GRAMD1B: variants seen among roughly 807,000 people sequenced by gnomAD.
The protein encoded by GRAMD1B is GRAM domain containing 1B, also known as protein Aster-B.
In GRAMD1B, 37 loss-of-function variants were observed where a neutral mutation model predicts 99.7. The ratio of observed to expected loss-of-function variants is 0.37; its 90% CI spans 0.29 to 0.49. The LOEUF (loss-of-function observed/expected upper bound fraction) is 0.49. Ranked by LOEUF, GRAMD1B falls within the 20% of genes least tolerant of loss-of-function variation. GRAMD1B has a pLI of 0.98. For synonymous variants in GRAMD1B, 427 were observed against 387.6 expected, an observed-to-expected ratio of 1.10 and a Z score of -1.19; for missense variants, 888 against 1,009.2, an observed-to-expected ratio of 0.88 and a Z score of 1.63.
At chr11:123,441,115 T>C (rs542699464) in intron 1 of GRAMD1B, among the ~76,000 whole-genome samples, 31 of 152,308 alleles carry the variant, frequency 2.0e-4, no homozygotes, top group African/African-American at 7.2e-4. Context: ...TATGTCTTTA[T>C]TGGCAGCCTG....
chr11:123,613,501 CA>C lies in GRAMD1B; in HGVS notation c.2071del (p.Arg691AspfsTer32). The C allele has an allele frequency of 6.2e-7, 1 of 1,613,202 alleles. No individual in the cohort carries two copies. The highest frequency in any genetic ancestry group is 8.5e-7 in the Non-Finnish European group (1 of 1,179,634). ...AGAGCACTTATTTGGCTGAGATGCA[CA>C]GACAATCTCCCAAAGAGAAGGCCAG... ...TESTYLAEMH[R>X]QSPKEKASKT... On this transcript the variant is annotated frameshift_variant, in exon 16 of 20. Transcript: ENST00000635736. LOFTEE classifies it high-confidence loss of function.
At chr11:123,529,339 C>T (rs914052283) in intron 2 of GRAMD1B, among the ~76,000 whole-genome samples, 30 of 152,218 alleles carry the variant, frequency 2.0e-4, no homozygotes, top group African/African-American at 7.0e-4. Flanking sequence ...AAAGGCTGTA[C>T]TTCACACAGC....
intron 2 of GRAMD1B, among the ~76,000 whole-genome samples, chr11:123,495,075 A>G (rs1939075154): frequency 6.6e-6 from 1 of 151,558 alleles, no homozygotes; most frequent in South Asian, 2.1e-4. Context: ...AACACCTATC[A>G]CTAAAATTGT....
chr11:123,479,458 G>C (rs1329889020), intron 1 of GRAMD1B, among the ~76,000 whole-genome samples: 3 of 152,198 alleles, frequency 2.0e-5, no homozygotes, highest in Non-Finnish European at 2.9e-5. Flanking sequence ...ATGCATCTTA[G>C]TGCAGCAGGC....
intron 1 of GRAMD1B, among the ~76,000 whole-genome samples, chr11:123,467,747 G>C (rs1031683003): frequency 2.6e-5 from 4 of 152,092 alleles, no homozygotes. Context: ...CTGAGGTCAC[G>C]GGCCATGCCT....
At chr11:123,481,739 G>C (rs1405908247) in intron 2 of GRAMD1B, among the ~76,000 whole-genome samples, 1 of 152,220 alleles carries the variant, frequency 6.6e-6, no homozygotes, top group Non-Finnish European at 1.5e-5. Flanking sequence ...GCCAGCACCT[G>C]CTTCATGCAG....
At chr11:123,370,135 T>G (rs112513953) in intron 1 of GRAMD1B, among the ~76,000 whole-genome samples, 4,669 of 151,408 alleles carry the variant, frequency 0.031, 142 homozygotes, top group African/African-American at 0.076. Context: ...GCCAACATGG[T>G]GAAACCCTGT....
chr11:123,441,051 G>A (rs1210895010), intron 1 of GRAMD1B, among the ~76,000 whole-genome samples: 6 of 152,170 alleles, frequency 3.9e-5, no homozygotes, highest in African/African-American at 1.4e-4. Context: ...CCCCAGCCAC[G>A]TGGAACTGTA....
chr11:123,590,594 C>G (rs2136471531), intron 4 of GRAMD1B, among the ~76,000 whole-genome samples: 1 of 152,246 alleles, frequency 6.6e-6, no homozygotes, highest in South Asian at 2.1e-4. Flanking sequence ...TGCCCTGCCT[C>G]CCTTCTTCCC....
At chr11:123,474,280 G>T (rs1951156387) in intron 1 of GRAMD1B, among the ~76,000 whole-genome samples, 1 of 151,892 alleles carries the variant, frequency 6.6e-6, no homozygotes, top group Non-Finnish European at 1.5e-5. Flanking sequence ...TAAAGTAATG[G>T]CAATCTTGAA....
In GRAMD1B at chr11:123,469,429, G is replaced by A. The variant is rs1222825787; in HGVS notation, c.375-11387G>A. 4.6e-5 allele frequency among the ~76,000 whole-genome samples: 7 copies of A among 152,138 alleles called. No homozygotes were observed. In the South Asian group the frequency reaches 8.3e-4, roughly 18 times the overall value. On this transcript the variant is annotated intron_variant, in intron 1 of 19. Coordinates refer to ENST00000635736, the MANE Select transcript of GRAMD1B (RefSeq NM_001387025.1). ...AGCTTGGTTTCAGACAGAGGCCGTC[G>A]GAGTGATGAATGGAAGGCGGATGGA... is the stretch of plus-strand genomic sequence containing the variant.
intron 1 of GRAMD1B, among the ~76,000 whole-genome samples, chr11:123,415,802 C>T (rs1406596716): frequency 6.6e-6 from 1 of 152,108 alleles, no homozygotes; most frequent in Non-Finnish European, 1.5e-5. Flanking sequence ...TTGAAACTTG[C>T]TATTAGTGTT....
rs934362007 is a variant in GRAMD1B, at chr11:123,480,886, G to A, written c.445G>A (p.Glu149Lys). The A allele has an allele frequency of 5.0e-6, 2 of 397,914 alleles. No homozygotes were observed. Among genetic ancestry groups the A allele is most frequent in the Non-Finnish European group, 8.8e-6 (2 of 226,032 alleles). 24.6% of individuals were successfully genotyped at this position (397,914 alleles called of 1,614,324 possible). ...CAGGTTCCTGAGTCCTCGAGCGCGG[G>A]AAGAAAGGTAAGGTCCAACTCCGAG... ...SSRFLSPRAR[E>K]ESTASNSNRS... Residue 149 changes from glutamate to lysine, a missense_variant, in exon 2 of 20, where the codon GAA becomes AAA. By Grantham distance (56) the Glu-to-Lys change is moderately conservative. Around this residue, in one of 5 missense-constraint regions of GRAMD1B, gnomAD observed 233 missense variants for 154.6 expected, o/e 1.51. Coordinates refer to ENST00000635736, the MANE Select transcript of GRAMD1B (RefSeq NM_001387025.1).
At chr11:123,537,722 T>C (rs115745296) in intron 2 of GRAMD1B, among the ~76,000 whole-genome samples, 3,006 of 152,316 alleles carry the variant, frequency 0.02, 86 homozygotes, top group African/African-American at 0.065. Context: ...CTATGAGTAA[T>C]AGGAGCCAAC....
At chr11:123,453,947 T>G (rs890283491) in intron 1 of GRAMD1B, among the ~76,000 whole-genome samples, 6 of 152,238 alleles carry the variant, frequency 3.9e-5, no homozygotes, top group African/African-American at 1.4e-4. Context: ...TCCAAGGCTC[T>G]GTATCTTTGT....
chr11:123,463,829 A>G (rs1237616704), intron 1 of GRAMD1B, among the ~76,000 whole-genome samples: 1 of 152,210 alleles, frequency 6.6e-6, no homozygotes, highest in Middle Eastern at 3.2e-3. Flanking sequence ...TGCATGGGAG[A>G]TTTGGGGAGC....
chr11:123,618,982 C>G, intron 18 of GRAMD1B, 125 bp from the exon 19 acceptor site: 1 of 687,610 alleles, frequency 1.5e-6, no homozygotes, highest in South Asian at 1.8e-5. Flanking sequence ...ACAGGGGAAC[C>G]GGGGGCAGTG....
At position 123,584,346 on chromosome 11, in the gene GRAMD1B, T is replaced by A. The variant is rs1389750498; in HGVS notation, c.684+14T>A. 7 of 1,089,858 alleles carry A rather than the reference T, an allele frequency of 6.4e-6. No individual in the cohort carries two copies. The highest frequency in any genetic ancestry group is 9.0e-6 in the Non-Finnish European group (7 of 776,046). 67.5% of individuals were successfully genotyped at this position (1,089,858 alleles called of 1,614,324 possible). On this transcript the variant is annotated intron_variant, in intron 4 of 19. Coordinates refer to ENST00000635736, the MANE Select transcript of GRAMD1B (RefSeq NM_001387025.1). ...AGTTGGTATAATGTAAGTATTCCTGTTTCCCTTCTTGTTGGGTACCTGAGA... is the reference window on the plus strand; with the variant it reads ...AGTTGGTATAATGTAAGTATTCCTGATTCCCTTCTTGTTGGGTACCTGAGA...
In GRAMD1B at chr11:123,607,124, A is replaced by G. The variant is rs539863695; in HGVS notation, c.1513+326A>G. ...ATAAGCCACAAGGAAGGTGCCAGTC[A>G]GCTGCTCCCTGGAAATAATTAGATT... On this transcript the variant is annotated intron_variant, in intron 11 of 19. Coordinates refer to ENST00000635736, the MANE Select transcript of GRAMD1B (RefSeq NM_001387025.1). Among the ~76,000 whole-genome samples the G allele has an allele frequency of 2.4e-4, 37 of 152,306 alleles. 1 individual carries two copies. Among genetic ancestry groups the G allele is most frequent in the Admixed American group, 2.0e-3 (31 of 15,296 alleles).
Sources: gnomAD v4.1 joint callset for allele counts (sites outside exome capture counted in the v4.1 genomes callset) on GRCh38, gnomAD v4.1.1 for gene constraint, gnomAD v4.1.1 regional missense constraint, MANE v1.5 for transcripts, NCBI Gene and HGNC (gene_info 2026-07-23, HGNC 2026-07-21) for gene names.